Variants in PCDHGA1 observed in about 807,000 individuals in gnomAD.
PCDHGA1 encodes protocadherin gamma subfamily A, 1, also known as protocadherin gamma-A1.
PCDHGA1 carries 32 observed loss-of-function variants against 58.0 expected under a neutral mutation model. The ratio of observed to expected loss-of-function variants is 0.55; its 90% CI spans 0.42 to 0.74. PCDHGA1 has a LOEUF of 0.74. Ranked by LOEUF, PCDHGA1 falls within the 30% of genes least tolerant of loss-of-function variation. The pLI is 0.00. For synonymous variants in PCDHGA1, 498 were observed against 501.1 expected, an observed-to-expected ratio of 0.99 and a Z score of 0.08; for missense variants, 1,205 against 1,182.3, an observed-to-expected ratio of 1.02 and a Z score of -0.28.
rs766369924 is a variant in PCDHGA1, at chr5:141,331,594, A to G, written c.910A>G (p.Lys304Glu). The change falls in exon 1 of 4, where the codon AAA (lysine) becomes GAA (glutamate). Residue 304 changes from lysine to glutamate, a missense_variant. Physicochemically the swap from Lys to Glu is moderately conservative, Grantham distance 56. Coordinates refer to ENST00000517417, the MANE Select transcript of PCDHGA1 (RefSeq NM_018912.3). ...TTCTTACACAGGAGAAATATCAAAT[A>G]AAGAACCACTAGATTTCGAAGAATA... ...LDSYTGEISN[K>E]EPLDFEEYKM... is the part of the protein sequence containing the mutation. 1.2e-6 allele frequency: 2 copies of G among 1,614,102 alleles called. No individual in the cohort carries two copies. The highest frequency in any genetic ancestry group is 8.5e-7 in the Non-Finnish European group (1 of 1,180,018).
intron 1 of PCDHGA1, chr5:141,356,243 C>G: frequency 6.3e-7 from 1 of 1,581,974 alleles, no homozygotes; most frequent in Non-Finnish European, 8.6e-7. Context: ...CCAGAAGTCA[C>G]AGTTACATCT....
chr5:141,473,431 G>A (rs541546681), intron 1 of PCDHGA1, among the ~76,000 whole-genome samples: 10 of 152,266 alleles, frequency 6.6e-5, no homozygotes, highest in Non-Finnish European at 1.3e-4. Flanking sequence ...CAGATACTTT[G>A]CTTATGCAAA....
At chr5:141,402,971 T>A (rs1589470573) in intron 1 of PCDHGA1, 1 of 1,608,252 alleles carries the variant, frequency 6.2e-7, no homozygotes, top group East Asian at 2.2e-5. Flanking sequence ...TCCAACCAAA[T>A]GCCAGCTCCG....
Position 141,332,199 on chromosome 5 carries a change from C to T in PCDHGA1, c.1515C>T (p.Leu505=). ...TIQGAPLSAY[L]SINSDTGVLY... is the part of the protein sequence containing the mutation. ...AGGGGGCACCCCTATCTGCCTACCT[C>T]TCCATCAACTCCGACACTGGGGTCC... The change falls in exon 1 of 4, where the codon CTC becomes CTT. Residue 505 remains leucine, a synonymous_variant. Transcript: ENST00000517417. The surrounding 1 kb of genome is among the most constrained non-coding windows in gnomAD (Gnocchi z 4.6). The T allele has an allele frequency of 1.2e-6, 2 of 1,614,230 alleles. No individual in the cohort carries two copies. The highest frequency in any genetic ancestry group is 1.7e-6 in the Non-Finnish European group (2 of 1,180,042).
rs1476081470 is a variant in PCDHGA1, at chr5:141,432,757, C to G, written c.2422-62050C>G. 2.5e-6 allele frequency: 4 copies of G among 1,614,150 alleles called. No homozygotes were observed. The highest frequency in any genetic ancestry group is 1.3e-5 in the African/African-American group (1 of 75,076). ...TCACGCTCACCGTGGCCGTGGCCGA[C>G]AGCATCCCCCAAGTCCTGGCGGACC... On this transcript the variant is annotated intron_variant, in intron 1 of 3. Coordinates refer to ENST00000517417, the MANE Select transcript of PCDHGA1 (RefSeq NM_018912.3). This position sits in a 1 kb window ranked among gnomAD's most constrained non-coding sequence, Gnocchi z 6.0.
At chr5:141,419,635 G>A in intron 1 of PCDHGA1, 1 of 1,612,480 alleles carries the variant, frequency 6.2e-7, no homozygotes, top group African/African-American at 1.3e-5. Flanking sequence ...CCAAGGTGGT[G>A]GCCGTGGACG....
chr5:141,384,870 C>T lies in PCDHGA1; in HGVS notation c.2421+51765C>T, dbSNP rs573213865. 2.6e-5 allele frequency: 42 copies of T among 1,613,806 alleles called. No homozygotes were observed. The Admixed American group carries it at 4.7e-4, about 18-fold the overall frequency. Reference sequence around the variant, plus strand: ...ACGGTCAGCCTCCTCTGTCAGCCACCGTCACACTCACCGTGGCTGTGGCTG... The same window carrying T: ...ACGGTCAGCCTCCTCTGTCAGCCACTGTCACACTCACCGTGGCTGTGGCTG... On this transcript the variant is annotated intron_variant, in intron 1 of 3. Coordinates refer to ENST00000517417, the MANE Select transcript of PCDHGA1 (RefSeq NM_018912.3).
chr5:141,504,790 CT>C (rs1204741124), intron 2 of PCDHGA1, among the ~76,000 whole-genome samples: 15 of 152,080 alleles, frequency 9.9e-5, no homozygotes, highest in Admixed American at 3.9e-4. Context: ...TTGGGGCCTC[CT>C]ACATCTCCCC....
intron 1 of PCDHGA1, chr5:141,339,780 A>G (rs1467212186): frequency 6.2e-7 from 1 of 1,614,228 alleles, no homozygotes; most frequent in Non-Finnish European, 8.5e-7. Context: ...ACTGACGCAG[A>G]TGAGGGCTAC....
chr5:141,413,863 G>T, intron 1 of PCDHGA1: 1 of 1,613,356 alleles, frequency 6.2e-7, no homozygotes, highest in Non-Finnish European at 8.5e-7. Flanking sequence ...ATCTGGCACT[G>T]TCCTTGTCAG....
chr5:141,425,013 G>T (rs1666336437), intron 1 of PCDHGA1, among the ~76,000 whole-genome samples: 1 of 152,108 alleles, frequency 6.6e-6, no homozygotes, highest in Non-Finnish European at 1.5e-5. Flanking sequence ...TCTCATTTAG[G>T]AATTTACCTT....
chr5:141,419,325 ACT>A (rs1329600066), intron 1 of PCDHGA1: 33 of 1,613,586 alleles, frequency 2.0e-5, no homozygotes, highest in Non-Finnish European at 2.6e-5. Flanking sequence ...CGTGTCTCCT[ACT>A]CTCTCATTGC....
At chr5:141,497,284 A>G (rs1486878285) in intron 2 of PCDHGA1, among the ~76,000 whole-genome samples, 1 of 152,104 alleles carries the variant, frequency 6.6e-6, no homozygotes, top group South Asian at 2.1e-4. Context: ...TGTTCCCTCT[A>G]CCTACCACCA....
intron 1 of PCDHGA1, chr5:141,365,756 G>C: frequency 6.2e-7 from 1 of 1,613,776 alleles, no homozygotes; most frequent in Non-Finnish European, 8.5e-7. Context: ...CTCTGTGACA[G>C]CCCATGACCC....
Position 141,346,160 on chromosome 5 carries a change from C to T in PCDHGA1, c.2421+13055C>T, listed in dbSNP as rs1237874036. On this transcript the variant is annotated intron_variant, in intron 1 of 3. Coordinates refer to ENST00000517417, the MANE Select transcript of PCDHGA1 (RefSeq NM_018912.3). The stretch of plus-strand genomic sequence containing the variant: ...CCTGCGTCTTCCTGGCCTTCGTCAT[C>T]GTGCTGCTGGCGCTCAGGCTGCGGC... 4 of 1,613,920 alleles carry T rather than the reference C, an allele frequency of 2.5e-6. No individual in the cohort carries two copies. The African/African-American group carries it at 4.0e-5, about 16-fold the overall frequency.
chr5:141,391,681 T>TC (rs2092407596), intron 1 of PCDHGA1: 4 of 152,210 alleles, frequency 2.6e-5, no homozygotes, highest in Admixed American at 2.6e-4. Context: ...TGAAATAAGT[T>TC]CATCTGCTAC....
intron 1 of PCDHGA1, among the ~76,000 whole-genome samples, chr5:141,353,318 T>C (rs1478802472): frequency 6.6e-6 from 1 of 152,214 alleles, no homozygotes; most frequent in Non-Finnish European, 1.5e-5. Flanking sequence ...TTTAGAGTTC[T>C]TCCCACCCAA....
Position 141,331,535 on chromosome 5 carries a change from T to C in PCDHGA1, c.851T>C (p.Val284Ala), listed in dbSNP as rs1756365914. The change falls in exon 1 of 4, where the codon GTA becomes GCA. Residue 284 changes from valine (V) to alanine (A), a missense_variant. Physicochemically the swap from Val to Ala is moderately conservative, Grantham distance 64. Transcript: ENST00000517417. The part of the protein sequence containing the change: ...NGEVTYSFHN[V>A]DHRVAQIFRL... The stretch of plus-strand genomic sequence containing the variant: ...GAAGTAACGTACTCCTTTCACAATG[T>C]AGACCACAGAGTGGCCCAAATATTT... The C allele has an allele frequency of 6.2e-7, 1 of 1,614,168 alleles. No individual in the cohort carries two copies. The highest frequency in any genetic ancestry group is 8.5e-7 in the Non-Finnish European group (1 of 1,180,048).
In PCDHGA1 at chr5:141,477,377, C is replaced by A. The variant is rs1456451105; in HGVS notation, c.2422-17430C>A. On this transcript the variant is annotated intron_variant, in intron 1 of 3. Coordinates refer to ENST00000517417, the MANE Select transcript of PCDHGA1 (RefSeq NM_018912.3). This position sits in a 1 kb window ranked among gnomAD's most constrained non-coding sequence, Gnocchi z 4.9. ...TGCAGACCTGGATCGGGAGACTGTG[C>A]CAGAATACAACCTCAGCATCACCGC... 1.2e-6 allele frequency: 2 copies of A among 1,614,026 alleles called. No homozygotes were observed. The highest frequency in any genetic ancestry group is 1.7e-6 in the Non-Finnish European group (2 of 1,180,032).
Sources: gnomAD v4.1 joint callset for allele counts (sites outside exome capture counted in the v4.1 genomes callset) on GRCh38, gnomAD v4.1.1 for gene constraint, Gnocchi (gnomAD v3.1) non-coding constraint, MANE v1.5 for transcripts, NCBI Gene and HGNC (gene_info 2026-07-23, HGNC 2026-07-21) for gene names.